Variants in MLXIP observed in about 807,000 individuals in gnomAD.
The protein encoded by MLXIP is MLX interacting protein.
In MLXIP, 30 loss-of-function variants were observed where a neutral mutation model predicts 87.2. That is an observed-to-expected ratio of 0.34 (90% confidence interval 0.26 to 0.47). MLXIP has a LOEUF of 0.47. MLXIP is among the 20% of genes least tolerant of loss of function. The pLI, the probability that MLXIP is intolerant of heterozygous loss-of-function variation, is 1.00. For synonymous variants in MLXIP, 530 were observed against 514.0 expected (o/e 1.03, Z -0.42); for missense variants, 1,002 against 1,240.1 (o/e 0.81, Z 2.88).
intron 1 of MLXIP, among the ~76,000 whole-genome samples, chr12:122,122,743 T>C (rs1952803919): frequency 1.3e-5 from 2 of 152,010 alleles, no homozygotes; most frequent in South Asian, 4.1e-4. Flanking sequence ...AGACGGGGGT[T>C]TCACCATGTT....
rs1184675203 is a variant in MLXIP, at chr12:122,135,303, G to A, written c.1812G>A (p.Val604=). 8.7e-6 allele frequency: 14 copies of A among 1,613,620 alleles called. No homozygotes were observed. Among genetic ancestry groups the A allele is most frequent in the African/African-American group, 1.3e-5 (1 of 74,938 alleles). The change falls in exon 10 of 17, where the codon GTG becomes GTA. Residue 604 remains valine, a synonymous_variant. Coordinates refer to ENST00000319080, the MANE Select transcript of MLXIP (RefSeq NM_014938.6). The surrounding 1 kb of genome is among the most constrained non-coding windows in gnomAD (Gnocchi z 5.3). ...LKREGMLAST[V]SQSNVVIAPA... ...GAGAAGGGATGTTGGCCTCCACCGTGTCCCAGTCCAACGTGGTCATTGCGC... is the reference window on the plus strand; with the variant it reads ...GAGAAGGGATGTTGGCCTCCACCGTATCCCAGTCCAACGTGGTCATTGCGC...
chr12:122,139,045 C>T (rs1164958672), intron 15 of MLXIP, 107 bp downstream of exon 15: 2 of 1,494,532 alleles, frequency 1.3e-6, no homozygotes, highest in Non-Finnish European at 1.8e-6. Context: ...ATGCCTGTCA[C>T]CAAGCTCCTC....
Position 122,129,366 on chromosome 12 carries a change from C to T in MLXIP, c.696+140C>T, listed in dbSNP as rs1278543126. On this transcript the variant is annotated intron_variant, in intron 4 of 16. Coordinates refer to ENST00000319080, the MANE Select transcript of MLXIP (RefSeq NM_014938.6). Reference sequence around the variant, plus strand: ...GTCAAGCAGTAAATCTGGGGCCCAGCGTGCCAGACTAGCCTGGGCAATGGC... The same window carrying T: ...GTCAAGCAGTAAATCTGGGGCCCAGTGTGCCAGACTAGCCTGGGCAATGGC... The T allele has an allele frequency of 1.7e-5, 16 of 925,298 alleles. No individual in the cohort carries two copies. In the East Asian group the frequency reaches 1.8e-4, roughly 11 times the overall value. 57.3% of individuals were successfully genotyped at this position (925,298 alleles called of 1,614,324 possible). A position where few individuals can be genotyped will look rare whatever the true frequency, so the allele number is the denominator to read the frequency against.
chr12:122,121,086 T>C (rs1593096425), intron 1 of MLXIP, among the ~76,000 whole-genome samples: 1 of 144,822 alleles, frequency 6.9e-6, no homozygotes, highest in African/African-American at 2.6e-5. Context: ...CTTGGCTCAC[T>C]GCAACCTCCG....
At chr12:122,085,566 G>A (rs1276318648) in intron 1 of MLXIP, among the ~76,000 whole-genome samples, 1 of 152,138 alleles carries the variant, frequency 6.6e-6, no homozygotes, top group Non-Finnish European at 1.5e-5. Flanking sequence ...ACCATGCCCG[G>A]CTAATTTTTG....
At chr12:122,139,711 C>G (rs1477110007) in intron 15 of MLXIP, among the ~76,000 whole-genome samples, 1 of 152,212 alleles carries the variant, frequency 6.6e-6, no homozygotes, top group Non-Finnish European at 1.5e-5. Flanking sequence ...CTCACTCTGT[C>G]ACCCAGGCTG....
At chr12:122,124,812 C>T (rs750060735) in intron 1 of MLXIP, among the ~76,000 whole-genome samples, 1 of 152,000 alleles carries the variant, frequency 6.6e-6, no homozygotes, top group Non-Finnish European at 1.5e-5. Context: ...GGGAGGATCA[C>T]TTGAGGTCAG....
chr12:122,133,240 C>T lies in MLXIP; in HGVS notation c.1093-108C>T. The T allele has an allele frequency of 7.5e-7, 1 of 1,325,532 alleles. No homozygotes were observed. Among genetic ancestry groups the T allele is most frequent in the South Asian group, 1.5e-5 (1 of 67,530 alleles). 82.1% of individuals were successfully genotyped at this position (1,325,532 alleles called of 1,614,324 possible). ...TGGACGTGGAGACGTGGCCTTTGTCCCTCTGTCCCAGCGCCCGGCCTGTGT... is the reference window on the plus strand; with the variant it reads ...TGGACGTGGAGACGTGGCCTTTGTCTCTCTGTCCCAGCGCCCGGCCTGTGT... On this transcript the variant is annotated intron_variant, in intron 8 of 16. Coordinates refer to ENST00000319080, the MANE Select transcript of MLXIP (RefSeq NM_014938.6). This position sits in a 1 kb window ranked among gnomAD's most constrained non-coding sequence, Gnocchi z 4.9.
intron 1 of MLXIP, among the ~76,000 whole-genome samples, chr12:122,103,840 G>T (rs1370283610): frequency 2.7e-4 from 38 of 142,884 alleles, no homozygotes; most frequent in African/African-American, 3.3e-4. Flanking sequence ...AATTTTGTTT[G>T]TTTTTTTTTT....
chr12:122,127,208 C>A, intron 1 of MLXIP, 48 bp from the exon 2 acceptor site: 1 of 1,455,104 alleles, frequency 6.9e-7, no homozygotes, highest in Non-Finnish European at 9.6e-7. Context: ...AATTTCACTT[C>A]AATTTCAGAG....
At position 122,142,334 on chromosome 12, in the gene MLXIP, T is replaced by C; in HGVS notation, c.*522T>C. On this transcript the variant is annotated 3_prime_UTR_variant, in exon 17 of 17. Coordinates refer to ENST00000319080, the MANE Select transcript of MLXIP (RefSeq NM_014938.6). ...CCTCAACTCTGACAGCACCCAGCCC[T>C]TGTGGATGGACTTGGGCTTCTATTC... 1 of 620,964 alleles carries C rather than the reference T, an allele frequency of 1.6e-6. No individual in the cohort carries two copies. 38.5% of individuals were successfully genotyped at this position (620,964 alleles called of 1,614,324 possible).
At chr12:122,123,747 T>C (rs1200596881) in intron 1 of MLXIP, among the ~76,000 whole-genome samples, 1 of 152,186 alleles carries the variant, frequency 6.6e-6, no homozygotes, top group Non-Finnish European at 1.5e-5. Flanking sequence ...TCACTTAGGC[T>C]GGAGTGCATT....
chr12:122,093,645 T>TG, intron 1 of MLXIP, among the ~76,000 whole-genome samples: 1 of 123,374 alleles, frequency 8.1e-6, no homozygotes, highest in Non-Finnish European at 1.7e-5. Flanking sequence ...GTGTGGTGTG[T>TG]TGGTGTGTGT....
At chr12:122,087,366 A>G (rs915586832) in intron 1 of MLXIP, among the ~76,000 whole-genome samples, 2 of 150,472 alleles carry the variant, frequency 1.3e-5, no homozygotes, top group African/African-American at 4.9e-5. Context: ...AAGAATAGAA[A>G]GAAGATGAAG....
At chr12:122,113,702 T>TTTTTTTTG (rs1952640402) in intron 1 of MLXIP, among the ~76,000 whole-genome samples, 2 of 132,902 alleles carry the variant, frequency 1.5e-5, no homozygotes, top group Admixed American at 7.6e-5. Flanking sequence ...TTTTTTTTTT[T>TTTTTTTTG]GAGACGGAGT....
At position 122,137,334 on chromosome 12, in the gene MLXIP, G is replaced by A. The variant is rs1189197827; in HGVS notation, c.2033-135G>A. ...ATAAGAATAATCTAAGGAAGCATGT[G>A]TGTGCAGTTGAAAGAACCAAGTGCA... On this transcript the variant is annotated intron_variant, in intron 11 of 16. Coordinates refer to ENST00000319080, the MANE Select transcript of MLXIP (RefSeq NM_014938.6). The surrounding 1 kb of genome is among the most constrained non-coding windows in gnomAD (Gnocchi z 4.1). 8 of 833,290 alleles carry A rather than the reference G, an allele frequency of 9.6e-6. No homozygotes were observed. The highest frequency in any genetic ancestry group is 2.0e-5 in the South Asian group (1 of 49,356). 51.6% of individuals were successfully genotyped at this position (833,290 alleles called of 1,614,324 possible).
rs75552719 is a variant in MLXIP, at chr12:122,114,291, C to A, written c.414-12965C>A. 7.9e-3 allele frequency among the ~76,000 whole-genome samples: 1,201 copies of A among 152,240 alleles called. 15 individuals carry two copies. The highest frequency in any genetic ancestry group is 0.028 in the African/African-American group (1,146 of 41,552). ...GTGAGCCACTGCGCCTGGCTGACTG[C>A]CTTCATTTCTAATACCAAATGCAAG... On this transcript the variant is annotated intron_variant, in intron 1 of 16. Transcript: ENST00000319080.
At chr12:122,113,329 A>G (rs1243939288) in intron 1 of MLXIP, among the ~76,000 whole-genome samples, 1 of 152,172 alleles carries the variant, frequency 6.6e-6, no homozygotes, top group Non-Finnish European at 1.5e-5. Context: ...GTGAGTTCAC[A>G]GTTCACTGCA....
intron 13 of MLXIP, 39 bp downstream of exon 13, chr12:122,138,334 A>T (rs1025104691): frequency 6.2e-7 from 1 of 1,608,184 alleles, no homozygotes; most frequent in Admixed American, 1.7e-5. Flanking sequence ...AGGGCAGGGG[A>T]GCTGGCAGGA....
Sources: gnomAD v4.1 joint callset for allele counts (sites outside exome capture counted in the v4.1 genomes callset) on GRCh38, gnomAD v4.1.1 for gene constraint, Gnocchi (gnomAD v3.1) non-coding constraint, MANE v1.5 for transcripts, NCBI Gene and HGNC (gene_info 2026-07-23, HGNC 2026-07-21) for gene names.